The following PLEKHA1 variants were observed in gnomAD, a reference collection of about 807,000 sequenced individuals.
The protein encoded by PLEKHA1 is pleckstrin homology domain containing A1.
A neutral mutation model predicts 52.0 loss-of-function variants in PLEKHA1; 34 were observed. The observed-to-expected ratio is 0.65, with a 90% CI of 0.50 to 0.87. The LOEUF (loss-of-function observed/expected upper bound fraction) is 0.87, where lower values mean the gene tolerates loss of function less well. Ranked by LOEUF, PLEKHA1 falls within the 40% of genes least tolerant of loss-of-function variation. PLEKHA1 has a pLI of 0.00. For missense variants in PLEKHA1, 497 were observed against 504.2 expected (o/e 0.99, Z 0.14); for synonymous variants, 163 against 170.7 (o/e 0.95, Z 0.35).
intron 4 of PLEKHA1, among the ~76,000 whole-genome samples, chr10:122,402,990 C>T (rs1440819367): frequency 6.6e-6 from 1 of 152,140 alleles, no homozygotes; most frequent in African/African-American, 2.4e-5. Context: ...GAAGAGCTTG[C>T]CATAGTTGAC....
intron 5 of PLEKHA1, among the ~76,000 whole-genome samples, chr10:122,410,798 C>T (rs1332027347): frequency 1.3e-5 from 2 of 152,068 alleles, no homozygotes; most frequent in African/African-American, 2.4e-5. Flanking sequence ...CCTAATAATT[C>T]CCAGGTCTGA....
intron 8 of PLEKHA1, chr10:122,422,348 T>G (rs1381366308): frequency 6.6e-6 from 1 of 152,132 alleles, no homozygotes; most frequent in Admixed American, 6.6e-5. Context: ...CACAAGATAC[T>G]TAACAGTGAC....
At chr10:122,422,875 T>C (rs1384588813) in intron 8 of PLEKHA1, 1 of 152,200 alleles carries the variant, frequency 6.6e-6, no homozygotes, top group Admixed American at 6.5e-5. Flanking sequence ...AGGTACATCA[T>C]ATTTACAACT....
At position 122,426,954 on chromosome 10, in the gene PLEKHA1, G is replaced by A; in HGVS notation, c.823G>A (p.Glu275Lys). ...RTFYVQADSPEEMHSWIKAVS... is the reference protein window; with the variant it reads ...RTFYVQADSPKEMHSWIKAVS... ...TTTTTTCCTTTAGGCTGATAGCCCT[G>A]AAGAGATGCACAGTTGGATTAAAGC... Residue 275 changes from glutamate to lysine, a missense_variant, in exon 11 of 12, where the codon GAA becomes AAA. Coordinates refer to ENST00000368990, the MANE Select transcript of PLEKHA1 (RefSeq NM_001001974.4). The A allele has an allele frequency of 6.2e-7, 1 of 1,613,928 alleles. No homozygotes were observed. The highest frequency in any genetic ancestry group is 8.5e-7 in the Non-Finnish European group (1 of 1,179,834).
intron 8 of PLEKHA1, chr10:122,423,845 A>C (rs1169465495): frequency 5.0e-6 from 1 of 200,922 alleles, no homozygotes; most frequent in African/African-American, 2.3e-5. Context: ...GCTGCCTTGT[A>C]TATCAAAGTG....
intron 3 of PLEKHA1, among the ~76,000 whole-genome samples, chr10:122,399,621 C>G (rs964697105): frequency 6.6e-6 from 1 of 152,060 alleles, no homozygotes; most frequent in East Asian, 1.9e-4. Context: ...GTCTCACTGT[C>G]TCCCAGGCTG....
At chr10:122,419,187 T>G (rs150258970) in intron 8 of PLEKHA1, 1 of 152,156 alleles carries the variant, frequency 6.6e-6, no homozygotes, top group Non-Finnish European at 1.5e-5. Flanking sequence ...TGCATACTTG[T>G]ATCATAATGC....
At chr10:122,426,188 A>AT (rs1194245717) in intron 10 of PLEKHA1, among the ~76,000 whole-genome samples, 1 of 152,084 alleles carries the variant, frequency 6.6e-6, no homozygotes, top group Non-Finnish European at 1.5e-5. Flanking sequence ...CTAGATCGAG[A>AT]TTAACTATCA....
At chr10:122,378,013 A>G (rs558056195) in intron 1 of PLEKHA1, among the ~76,000 whole-genome samples, 18 of 152,328 alleles carry the variant, frequency 1.2e-4, no homozygotes, top group African/African-American at 4.1e-4. Flanking sequence ...TCAGTCTGAT[A>G]GCTTTATTCT....
rs1259121368 is a variant in PLEKHA1 at position 122,431,912 on chromosome 10, G to A, written c.*1974G>A. ...ACTTTGCAATATTTAAGAACCTAAT[G>A]CTGTTTAATTTTGGTACAGCTTCCA... On this transcript the variant is annotated 3_prime_UTR_variant, in exon 12 of 12. Transcript: ENST00000368990. 3 of 151,884 alleles carry A rather than the reference G, an allele frequency of 2.0e-5. No homozygotes were observed. Among genetic ancestry groups the A allele is most frequent in the Admixed American group, 6.6e-5 (1 of 15,236 alleles). 9.4% of individuals were successfully genotyped at this position (151,884 alleles called of 1,614,324 possible).
chr10:122,432,907 G>T (rs1017019987), downstream of PLEKHA1: 8 of 152,180 alleles, frequency 5.3e-5, no homozygotes, highest in Non-Finnish European at 1.0e-4. Context: ...TGAGGACAAG[G>T]CATTACTGTA....
intron 3 of PLEKHA1, among the ~76,000 whole-genome samples, chr10:122,398,178 T>C (rs923612372): frequency 1.3e-5 from 2 of 152,120 alleles, no homozygotes; most frequent in Admixed American, 1.3e-4. Flanking sequence ...TTACAGGATG[T>C]GGCAAATTGC....
At position 122,429,629 on chromosome 10, in the gene PLEKHA1, T is replaced by C. The variant is rs1565352056; in HGVS notation, c.906T>C (p.His302=). ...ACTGCCACTCCTTTTTGCAGGAGCATCCCCCCGGTCCTTCAGAATCCAAAC... is the reference window on the plus strand; with the variant it reads ...ACTGCCACTCCTTTTTGCAGGAGCACCCCCCCGGTCCTTCAGAATCCAAAC... The part of the protein sequence containing the change: ...RGPGRSASSE[H]PPGPSESKHA... The change falls in exon 12 of 12, where the codon CAT becomes CAC. Residue 302 remains histidine, a synonymous_variant. Coordinates refer to ENST00000368990, the MANE Select transcript of PLEKHA1 (RefSeq NM_001001974.4). 2 of 1,612,344 alleles carry C rather than the reference T, an allele frequency of 1.2e-6. No homozygotes were observed. The highest frequency in any genetic ancestry group is 1.7e-5 in the Admixed American group (1 of 59,946).
chr10:122,441,841 A>G, the PLEKHA1 span: 1 of 152,234 alleles, frequency 6.6e-6, no homozygotes, highest in East Asian at 1.9e-4. Flanking sequence ...GTTGAGTTCT[A>G]GAATAGCCTT....
At chr10:122,427,614 ATTATC>A (rs977723041) in intron 11 of PLEKHA1, among the ~76,000 whole-genome samples, 2 of 152,198 alleles carry the variant, frequency 1.3e-5, no homozygotes, top group African/African-American at 4.8e-5. Flanking sequence ...AACTACCATA[ATTATC>A]TTTGTGGTAG....
At chr10:122,389,928 G>A (rs564481579) in intron 1 of PLEKHA1, among the ~76,000 whole-genome samples, 6 of 152,242 alleles carry the variant, frequency 3.9e-5, no homozygotes, top group African/African-American at 1.4e-4. Context: ...CTTTGAATCA[G>A]GCATTGACTT....
chr10:122,383,209 C>T (rs996629246), intron 1 of PLEKHA1, among the ~76,000 whole-genome samples: 12 of 152,174 alleles, frequency 7.9e-5, no homozygotes, highest in African/African-American at 2.9e-4. Flanking sequence ...ACCAACCCTG[C>T]CACCAGTGCC....
Position 122,430,125 on chromosome 10 carries a change from AAAAG to A in PLEKHA1, c.*195_*198del, listed in dbSNP as rs962856028. ...GCCAAACTAAATATAATTTCTTTAA[AAAAG>A]AAAGAAAAAGGAAAAATCCAAAATA... On this transcript the variant is annotated 3_prime_UTR_variant, in exon 12 of 12. Coordinates refer to ENST00000368990, the MANE Select transcript of PLEKHA1 (RefSeq NM_001001974.4). The A allele has an allele frequency of 6.2e-6, 4 of 643,612 alleles. No individual in the cohort carries two copies. Among genetic ancestry groups the A allele is most frequent in the African/African-American group, 3.7e-5 (2 of 53,758 alleles). 39.9% of individuals were successfully genotyped at this position (643,612 alleles called of 1,614,324 possible).
At chr10:122,391,029 G>C (rs1423225801) in intron 1 of PLEKHA1, among the ~76,000 whole-genome samples, 3 of 151,638 alleles carry the variant, frequency 2.0e-5, no homozygotes, top group African/African-American at 2.4e-5. Flanking sequence ...GTTTTTATTT[G>C]GATTTCCCTA....
Sources: gnomAD v4.1 joint callset for allele counts (sites outside exome capture counted in the v4.1 genomes callset) on GRCh38, gnomAD v4.1.1 for gene constraint, MANE v1.5 for transcripts, NCBI Gene and HGNC (gene_info 2026-07-23, HGNC 2026-07-21) for gene names.